The following BABAM2 variants were observed in gnomAD, a reference collection of about 807,000 sequenced individuals.
The protein encoded by BABAM2 is BRISC and BRCA1-A complex member 2.
In BABAM2, 31 loss-of-function variants were observed where a neutral mutation model predicts 54.7. The observed-to-expected ratio is 0.57, with a 90% CI of 0.43 to 0.77. BABAM2 has a LOEUF of 0.77. BABAM2 is among the 30% of genes least tolerant of loss of function. The probability of loss-of-function intolerance (pLI) is 0.00; values close to 1 mark genes in which losing one functional copy is unlikely to be tolerated. For synonymous variants in BABAM2, 167 were observed against 162.9 expected, an observed-to-expected ratio of 1.03 and a Z score of -0.19; for missense variants, 364 against 455.8, an observed-to-expected ratio of 0.80 and a Z score of 1.83.
chr2:28,022,004 C>T (rs1675306280), intron 4 of BABAM2, among the ~76,000 whole-genome samples: 1 of 152,164 alleles, frequency 6.6e-6, no homozygotes, highest in African/African-American at 2.4e-5. Context: ...GTGAGCTAGG[C>T]CTTGAAACTA....
At chr2:28,209,736 G>A (rs1409554236) in intron 7 of BABAM2, among the ~76,000 whole-genome samples, 1 of 152,164 alleles carries the variant, frequency 6.6e-6, no homozygotes, top group Non-Finnish European at 1.5e-5. Context: ...TTGGCCTGCA[G>A]TTAGTTTCCT....
intron 7 of BABAM2, among the ~76,000 whole-genome samples, chr2:28,143,249 A>C (rs1207468876): frequency 1.3e-5 from 2 of 152,140 alleles, no homozygotes; most frequent in Non-Finnish European, 2.9e-5. Context: ...CAAGCATAGA[A>C]AGAAAAATAC....
At chr2:27,959,346 A>G (rs528338303) in intron 3 of BABAM2, among the ~76,000 whole-genome samples, 7 of 152,320 alleles carry the variant, frequency 4.6e-5, no homozygotes, top group Non-Finnish European at 8.8e-5. Context: ...TTAATGTTTC[A>G]TGAAGAGAGA....
chr2:28,323,554 C>A (rs1690201878), intron 11 of BABAM2, among the ~76,000 whole-genome samples: 1 of 152,336 alleles, frequency 6.6e-6, no homozygotes, highest in South Asian at 2.1e-4. Flanking sequence ...GCAGATGAGG[C>A]ATCTCTGGGG....
At chr2:28,244,681 C>A in intron 9 of BABAM2, 99 bp from the exon 10 acceptor site, 1 of 1,136,738 alleles carries the variant, frequency 8.8e-7, no homozygotes, top group East Asian at 2.4e-5. Context: ...GTCAATAACC[C>A]TGACTTCACG....
intron 7 of BABAM2, among the ~76,000 whole-genome samples, chr2:28,214,415 C>T (rs1436149372): frequency 6.6e-6 from 1 of 152,018 alleles, no homozygotes; most frequent in Non-Finnish European, 1.5e-5. Context: ...ATACGATTAA[C>T]TTTTGTGTGT....
chr2:28,263,646 G>C (rs141310233), intron 10 of BABAM2, among the ~76,000 whole-genome samples: 25 of 152,328 alleles, frequency 1.6e-4, no homozygotes, highest in Admixed American at 1.2e-3. Flanking sequence ...TTTGAAAGGA[G>C]TTGGGGAGCA....
chr2:27,980,310 G>A (rs1036585713), intron 3 of BABAM2, among the ~76,000 whole-genome samples: 2 of 152,110 alleles, frequency 1.3e-5, no homozygotes, highest in Admixed American at 6.5e-5. Context: ...ATCTGCTCCA[G>A]GGTGAAATAA....
At chr2:27,904,841 A>T (rs1308635087) in intron 2 of BABAM2, among the ~76,000 whole-genome samples, 1 of 152,212 alleles carries the variant, frequency 6.6e-6, no homozygotes, top group Non-Finnish European at 1.5e-5. Flanking sequence ...CTTTCTTAGG[A>T]TGCTAGTGGA....
chr2:28,212,561 A>T (rs1311617685), intron 7 of BABAM2, among the ~76,000 whole-genome samples: 1 of 152,186 alleles, frequency 6.6e-6, no homozygotes, highest in Non-Finnish European at 1.5e-5. Context: ...GTATTCTAAA[A>T]ATATAATATT....
intron 4 of BABAM2, chr2:28,013,445 A>G (rs1403412926): frequency 1.5e-5 from 7 of 455,250 alleles, no homozygotes; most frequent in African/African-American, 4.0e-5. Flanking sequence ...TTTTTTCTCC[A>G]TTATGAGTCT....
At chr2:28,035,853 G>C (rs1309271879) in intron 5 of BABAM2, among the ~76,000 whole-genome samples, 1 of 151,428 alleles carries the variant, frequency 6.6e-6, no homozygotes, top group South Asian at 2.1e-4. Flanking sequence ...AAATCATACT[G>C]ATATTCCAAA....
At chr2:28,147,141 C>G (rs1331116100) in intron 7 of BABAM2, among the ~76,000 whole-genome samples, 1 of 152,174 alleles carries the variant, frequency 6.6e-6, no homozygotes, top group Non-Finnish European at 1.5e-5. Context: ...TAGTCCCTGA[C>G]CTTGGGCCAC....
chr2:27,950,062 A>T (rs1357586797), intron 3 of BABAM2, among the ~76,000 whole-genome samples: 1 of 152,136 alleles, frequency 6.6e-6, no homozygotes, highest in East Asian at 1.9e-4. Context: ...TTCTAGATTC[A>T]CTCCTAGACT....
intron 3 of BABAM2, among the ~76,000 whole-genome samples, chr2:27,975,869 T>TA (rs1168288149): frequency 2.0e-5 from 3 of 151,248 alleles, no homozygotes; most frequent in East Asian, 1.9e-4. Context: ...CCAACAACAA[T>TA]AAAAAAAATG....
rs994949584 is a variant in BABAM2, at chr2:28,161,160, T to C, written c.680+31780T>C. On this transcript the variant is annotated intron_variant, in intron 7 of 11. Coordinates refer to ENST00000379624, the MANE Select transcript of BABAM2 (RefSeq NM_199191.3). ...GAATTATGGGTAGGCAGTTTTCTTT[T>C]TAAGTGGCTTATAAAGCATTTGAAG... Among the ~76,000 whole-genome samples, 18 of 152,188 alleles carry C rather than the reference T, an allele frequency of 1.2e-4. No homozygotes were observed. In the East Asian group the frequency reaches 2.9e-3, roughly 24 times the overall value.
In BABAM2 at chr2:28,134,462, G is replaced by A. The variant is rs529790534; in HGVS notation, c.680+5082G>A. 3 of 152,320 alleles carry A rather than the reference G, an allele frequency of 2.0e-5. No individual in the cohort carries two copies. In the South Asian group the frequency reaches 6.2e-4, roughly 32 times the overall value. 9.4% of individuals were successfully genotyped at this position (152,320 alleles called of 1,614,324 possible). ...TCTGCATAGCACTCTTCCACGAAAG[G>A]TGTGGGCCCTTTTCTTGGCTTGAGC... On this transcript the variant is annotated intron_variant, in intron 7 of 11. Transcript: ENST00000379624.
chr2:28,282,777 A>C (rs943267888), intron 10 of BABAM2, among the ~76,000 whole-genome samples: 2 of 152,058 alleles, frequency 1.3e-5, no homozygotes, highest in African/African-American at 4.8e-5. Flanking sequence ...AGGTGGGCGA[A>C]TCACGAGGTC....
intron 3 of BABAM2, among the ~76,000 whole-genome samples, chr2:27,931,216 T>C (rs2148354366): frequency 6.6e-6 from 1 of 152,026 alleles, no homozygotes; most frequent in Admixed American, 6.5e-5. Flanking sequence ...TTCGACTACT[T>C]TTTTTTTGAA....
Sources: gnomAD v4.1 joint callset for allele counts (sites outside exome capture counted in the v4.1 genomes callset) on GRCh38, gnomAD v4.1.1 for gene constraint, MANE v1.5 for transcripts, NCBI Gene and HGNC (gene_info 2026-07-23, HGNC 2026-07-21) for gene names.